The following MARCHF8 variants were observed in gnomAD, a reference collection of about 807,000 sequenced individuals.
MARCHF8 encodes the protein E3 ubiquitin-protein ligase MARCHF8.
In MARCHF8, 40 loss-of-function variants were observed where a neutral mutation model predicts 51.6. The observed-to-expected ratio is 0.77, with a 90% CI of 0.60 to 1.01. The LOEUF is 1.01. Among genes scored for constraint, MARCHF8 ranks in the 50% least tolerant of loss-of-function variants. The pLI, the probability that MARCHF8 is intolerant of heterozygous loss-of-function variation, is 0.00. For synonymous variants in MARCHF8, 263 were observed against 280.3 expected (o/e 0.94, Z 0.62); for missense variants, 685 against 708.6 (o/e 0.97, Z 0.38).
chr10:45,514,510 C>T (rs1271803023), intron 2 of MARCHF8, among the ~76,000 whole-genome samples: 1 of 152,258 alleles, frequency 6.6e-6, no homozygotes, highest in Non-Finnish European at 1.5e-5. Flanking sequence ...TGAGGGCTTG[C>T]TGAAGCCCTC....
At chr10:45,546,569 C>T (rs1316974327) in intron 1 of MARCHF8, among the ~76,000 whole-genome samples, 1 of 151,936 alleles carries the variant, frequency 6.6e-6, no homozygotes, top group African/African-American at 2.4e-5. Context: ...ATCACTTAAG[C>T]TCCGGAGTTT....
At chr10:45,496,773 AT>A (rs1025262808) in intron 2 of MARCHF8, among the ~76,000 whole-genome samples, 136 of 151,692 alleles carry the variant, frequency 9.0e-4, no homozygotes, top group African/African-American at 2.9e-3. Flanking sequence ...TGTTAGAAAA[AT>A]ATATATATAT....
intron 1 of MARCHF8, among the ~76,000 whole-genome samples, chr10:45,568,130 C>T (rs1241380449): frequency 6.6e-6 from 1 of 152,170 alleles, no homozygotes; most frequent in Non-Finnish European, 1.5e-5. Flanking sequence ...ATTTTGTATC[C>T]TGCAGCTTCA....
intron 2 of MARCHF8, among the ~76,000 whole-genome samples, chr10:45,507,810 T>TG (rs1166639904): frequency 6.7e-5 from 9 of 133,786 alleles, no homozygotes; most frequent in South Asian, 2.2e-4. Flanking sequence ...AGCTCAGTTT[T>TG]GAAAAAAAAA....
chr10:45,510,087 A>G (rs2133188700), intron 2 of MARCHF8, among the ~76,000 whole-genome samples: 1 of 152,226 alleles, frequency 6.6e-6, no homozygotes, highest in South Asian at 2.1e-4. Context: ...TTTTTAAACA[A>G]ATTCTAACAT....
chr10:45,474,823 G>A (rs1179421769), intron 3 of MARCHF8, among the ~76,000 whole-genome samples: 4 of 152,282 alleles, frequency 2.6e-5, no homozygotes, highest in East Asian at 1.9e-4. Context: ...AAGGGGAAGC[G>A]AGCGATCCCC....
intron 2 of MARCHF8, among the ~76,000 whole-genome samples, chr10:45,532,174 T>G (rs2043897791): frequency 6.6e-6 from 1 of 152,106 alleles, no homozygotes; most frequent in Non-Finnish European, 1.5e-5. Flanking sequence ...AAATCCCCAT[T>G]CTACAAATAA....
intron 1 of MARCHF8, among the ~76,000 whole-genome samples, chr10:45,551,728 C>T (rs780818041): frequency 3.9e-5 from 6 of 152,046 alleles, no homozygotes; most frequent in Non-Finnish European, 7.4e-5. Flanking sequence ...GCCAGCCCAC[C>T]CTACAGATTT....
Position 45,459,186 on chromosome 10 carries a change from CACATGTGATGGCAATG to C in MARCHF8, c.1335_1350del (p.Ile446TrpfsTer25). 1 of 1,614,114 alleles carries C rather than the reference CACATGTGATGGCAATG, an allele frequency of 6.2e-7. No homozygotes were observed. Among genetic ancestry groups the C allele is most frequent in the Non-Finnish European group, 8.5e-7 (1 of 1,180,026 alleles). On this transcript the variant is annotated frameshift_variant, in exon 7 of 8. Transcript: ENST00000453424. LOFTEE classifies it high-confidence loss of function. The stretch of plus-strand genomic sequence containing the variant: ...ATGAGCACATACAAGGACCAGACCA[CACATGTGATGGCAATG>C]ACGTGGAATGTCACTGAGCACATGA...
intron 3 of MARCHF8, among the ~76,000 whole-genome samples, chr10:45,471,287 G>T (rs1295792235): frequency 6.6e-6 from 1 of 152,194 alleles, no homozygotes; most frequent in African/African-American, 2.4e-5. Flanking sequence ...ATATATTACA[G>T]CACTGGTGGA....
At chr10:45,533,529 G>T (rs547881237) in intron 1 of MARCHF8, among the ~76,000 whole-genome samples, 1 of 152,118 alleles carries the variant, frequency 6.6e-6, no homozygotes, top group Admixed American at 6.6e-5. Context: ...TATAATCAGA[G>T]ATATAATCTT....
chr10:45,528,821 G>A (rs1393292509), intron 2 of MARCHF8, among the ~76,000 whole-genome samples: 1 of 152,050 alleles, frequency 6.6e-6, no homozygotes. Context: ...ACTACAAAAC[G>A]CTGACGAAAG....
At chr10:45,499,043 G>A (rs916029101) in intron 2 of MARCHF8, among the ~76,000 whole-genome samples, 4 of 152,094 alleles carry the variant, frequency 2.6e-5, no homozygotes, top group Admixed American at 2.0e-4. Flanking sequence ...TTTCCATTGT[G>A]GTTGCACTAT....
At chr10:45,480,978 G>A (rs1349732450) in intron 3 of MARCHF8, among the ~76,000 whole-genome samples, 1 of 152,258 alleles carries the variant, frequency 6.6e-6, no homozygotes, top group Non-Finnish European at 1.5e-5. Context: ...AAGCAGCCAG[G>A]AGGTGGGCTA....
intron 1 of MARCHF8, among the ~76,000 whole-genome samples, chr10:45,571,331 C>T (rs1393413915): frequency 6.6e-6 from 1 of 152,156 alleles, no homozygotes; most frequent in Non-Finnish European, 1.5e-5. Flanking sequence ...CTTCTCCTGG[C>T]TCATCCTGGC....
At chr10:45,490,361 T>C (rs1415640408) in intron 2 of MARCHF8, among the ~76,000 whole-genome samples, 1 of 152,228 alleles carries the variant, frequency 6.6e-6, no homozygotes, top group Non-Finnish European at 1.5e-5. Flanking sequence ...TAGTGGACTC[T>C]AATCCAATAG....
At chr10:45,514,888 G>A (rs2043593465) in intron 2 of MARCHF8, among the ~76,000 whole-genome samples, 1 of 152,082 alleles carries the variant, frequency 6.6e-6, no homozygotes, top group African/African-American at 2.4e-5. Flanking sequence ...CCTACATAAT[G>A]AGTTCTGGAT....
In MARCHF8 at chr10:45,504,431, C is replaced by T. The variant is rs147924335; in HGVS notation, c.103-15014G>A. Among the ~76,000 whole-genome samples the T allele has an allele frequency of 4.3e-3, 656 of 152,264 alleles. 3 individuals are homozygous for T. The highest frequency in any genetic ancestry group is 0.015 in the African/African-American group (605 of 41,540). On this transcript the variant is annotated intron_variant, in intron 2 of 7. Transcript: ENST00000453424. ...TGCACTCCAGCGTGGGAAACAAGAG[C>T]GAAACTCCGTCTCGAAAAAAACTAA...
At chr10:45,554,148 G>T (rs2044226644) in intron 1 of MARCHF8, among the ~76,000 whole-genome samples, 1 of 152,148 alleles carries the variant, frequency 6.6e-6, no homozygotes, top group Non-Finnish European at 1.5e-5. Context: ...AAAATGAAAA[G>T]AATTTGGGAA....
Sources: gnomAD v4.1 joint callset for allele counts (sites outside exome capture counted in the v4.1 genomes callset) on GRCh38, gnomAD v4.1.1 for gene constraint, MANE v1.5 for transcripts, NCBI Gene and HGNC (gene_info 2026-07-23, HGNC 2026-07-21) for gene names.